The following PHF21A variants were observed in gnomAD, a reference collection of about 807,000 sequenced individuals.
The protein encoded by PHF21A is PHD finger protein 21A.
PHF21A carries 11 observed loss-of-function variants against 82.5 expected under a neutral mutation model. That is an observed-to-expected ratio of 0.13 (90% CI 0.08 to 0.22). PHF21A has a LOEUF of 0.22. Among genes scored for constraint, PHF21A ranks in the 10% least tolerant of loss-of-function variants. The probability of loss-of-function intolerance (pLI) is 1.00; values close to 1 mark genes in which losing one functional copy is unlikely to be tolerated. For synonymous variants in PHF21A, 297 were observed against 302.8 expected (o/e 0.98, Z 0.20); for missense variants, 579 against 837.8 (o/e 0.69, Z 3.81).
intron 6 of PHF21A, among the ~76,000 whole-genome samples, chr11:46,067,420 A>G (rs2096607226): frequency 6.6e-6 from 1 of 152,198 alleles, no homozygotes; most frequent in African/African-American, 2.4e-5. Flanking sequence ...AGATGTATCA[A>G]GTTTTCAAAC....
chr11:46,084,657 A>T (rs1002074285), intron 3 of PHF21A, among the ~76,000 whole-genome samples: 1 of 150,466 alleles, frequency 6.6e-6, no homozygotes, highest in African/African-American at 2.4e-5. Flanking sequence ...CCTCAGAAAG[A>T]GACATATAAC....
At chr11:46,060,887 T>C (rs1346874137) in intron 6 of PHF21A, among the ~76,000 whole-genome samples, 1 of 152,272 alleles carries the variant, frequency 6.6e-6, no homozygotes, top group Non-Finnish European at 1.5e-5. Context: ...TCTGTGCCCA[T>C]GCTTATGTCC....
At chr11:46,088,321 T>C (rs1366356353) in intron 3 of PHF21A, among the ~76,000 whole-genome samples, 1 of 152,070 alleles carries the variant, frequency 6.6e-6, no homozygotes, top group Non-Finnish European at 1.5e-5. Flanking sequence ...GCAAGGCCAC[T>C]TGCCTAGCCC....
At position 46,014,989 on chromosome 11, in the gene PHF21A, A is replaced by T. The variant is rs757254970; in HGVS notation, c.154-35023T>A. Among the ~76,000 whole-genome samples, 359 of 46,826 alleles carry T rather than the reference A, an allele frequency of 7.7e-3. 103 individuals are homozygous for T. The highest frequency in any genetic ancestry group is 0.021 in the East Asian group (5 of 242). The allele number at this position is 46,826 out of a possible 152,430, so 30.7% of individuals were successfully genotyped here. On this transcript the variant is annotated intron_variant, in intron 6 of 18. Coordinates refer to ENST00000676320, the MANE Select transcript of PHF21A (RefSeq NM_001352027.3). ...AGCGAGACTCCGTCTCAAAAAAAAA[A>T]AAAAATAAAAATAAAAAAATAAAAA... is the stretch of plus-strand genomic sequence containing the variant.
chr11:45,945,827 C>T lies in PHF21A; in HGVS notation c.1452+13G>A. ...CTCTCAGAAAGACAGTGTGCTTTTC[C>T]CAAGTTACTTACGTCTGTGGAGGTG... On this transcript the variant is annotated intron_variant, in intron 15 of 18. Coordinates refer to ENST00000676320, the MANE Select transcript of PHF21A (RefSeq NM_001352027.3). 6.4e-7 allele frequency: 1 copy of T among 1,557,164 alleles called. No homozygotes were observed. Among genetic ancestry groups the T allele is most frequent in the Non-Finnish European group, 8.7e-7 (1 of 1,154,706 alleles).
chr11:46,057,828 T>C (rs1484289669), intron 6 of PHF21A, among the ~76,000 whole-genome samples: 1 of 152,154 alleles, frequency 6.6e-6, no homozygotes, highest in Non-Finnish European at 1.5e-5. Flanking sequence ...AGGTGCCAAG[T>C]GTAAAAATAT....
intron 10 of PHF21A, among the ~76,000 whole-genome samples, chr11:45,960,965 T>C (rs2093037042): frequency 6.6e-6 from 1 of 152,250 alleles, no homozygotes; most frequent in South Asian, 2.1e-4. Context: ...TTCCTTGAGA[T>C]GAAGCATATT....
At chr11:45,940,206 T>A (rs2090073021) in intron 15 of PHF21A, among the ~76,000 whole-genome samples, 1 of 152,032 alleles carries the variant, frequency 6.6e-6, no homozygotes, top group Non-Finnish European at 1.5e-5. Flanking sequence ...TTCTTTTTTT[T>A]TTTTTTAGAC....
rs143699900 is a variant in PHF21A, at chr11:46,071,660, C to A, written c.153+5094G>T. On this transcript the variant is annotated intron_variant, in intron 6 of 18. Transcript: ENST00000676320. ...CCAGTCATCACACATCTAGGAATTT[C>A]TCCTAAGACCATCAGAGAGAAACAC... 8.0e-4 allele frequency among the ~76,000 whole-genome samples: 121 copies of A among 151,924 alleles called. 1 individual carries two copies. Among genetic ancestry groups the A allele is most frequent in the Middle Eastern group, 3.4e-3 (1 of 294 alleles).
chr11:45,936,657 T>C, intron 16 of PHF21A, 88 bp from the exon 17 acceptor site: 3 of 863,164 alleles, frequency 3.5e-6, no homozygotes, highest in Non-Finnish European at 5.9e-6. Flanking sequence ...CTGTGGCTAC[T>C]GGCAGATAAA....
chr11:46,088,392 G>A (rs1338901171), intron 3 of PHF21A, among the ~76,000 whole-genome samples: 2 of 146,326 alleles, frequency 1.4e-5, no homozygotes, highest in African/African-American at 5.2e-5. Flanking sequence ...ATATCTAATG[G>A]CCTCTAACTT....
At chr11:46,064,298 C>T (rs2096569673) in intron 6 of PHF21A, among the ~76,000 whole-genome samples, 3 of 152,080 alleles carry the variant, frequency 2.0e-5, no homozygotes, top group East Asian at 1.9e-4. Context: ...TTTTAAAAGG[C>T]GATGGAGGTG....
intron 6 of PHF21A, among the ~76,000 whole-genome samples, chr11:46,019,464 G>T (rs1048883854): frequency 6.6e-6 from 1 of 152,172 alleles, no homozygotes; most frequent in African/African-American, 2.4e-5. Context: ...GCCCTAAGAT[G>T]TGGCCAATCC....
At chr11:45,988,371 G>A (rs775248660) in intron 6 of PHF21A, among the ~76,000 whole-genome samples, 10 of 152,028 alleles carry the variant, frequency 6.6e-5, no homozygotes, top group Non-Finnish European at 1.3e-4. Flanking sequence ...AAAATATATC[G>A]TAGCAGGCAG....
At chr11:46,057,604 A>T (rs2096478467) in intron 6 of PHF21A, among the ~76,000 whole-genome samples, 1 of 152,184 alleles carries the variant, frequency 6.6e-6, no homozygotes, top group Non-Finnish European at 1.5e-5. Flanking sequence ...GTCATCTATA[A>T]TATGACTCAA....
chr11:46,023,934 C>T (rs1388016130), intron 6 of PHF21A, among the ~76,000 whole-genome samples: 2 of 152,114 alleles, frequency 1.3e-5, no homozygotes, highest in East Asian at 3.9e-4. Flanking sequence ...CCATCCTGGG[C>T]GACACGGCAA....
rs977317169 is a variant in PHF21A at position 45,971,100 on chromosome 11, G to C, written c.612+16C>G. ...CTTCTCATGTGATCACACATGAGGA[G>C]CAGCTGCTGGCTTACCAGAGTGACT... is the stretch of plus-strand genomic sequence containing the variant. On this transcript the variant is annotated intron_variant, in intron 8 of 18. Coordinates refer to ENST00000676320, the MANE Select transcript of PHF21A (RefSeq NM_001352027.3). 8.1e-6 allele frequency: 13 copies of C among 1,613,556 alleles called. No individual in the cohort carries two copies. Among genetic ancestry groups the C allele is most frequent in the Non-Finnish European group, 1.1e-5 (13 of 1,179,812 alleles).
intron 6 of PHF21A, among the ~76,000 whole-genome samples, chr11:46,007,061 A>G (rs1398907316): frequency 1.3e-5 from 2 of 152,222 alleles, no homozygotes; most frequent in African/African-American, 4.8e-5. Context: ...ATTTCCCATT[A>G]CAAAAACACT....
chr11:46,077,686 G>A (rs1037262398), intron 5 of PHF21A, among the ~76,000 whole-genome samples: 1 of 152,078 alleles, frequency 6.6e-6, no homozygotes. Flanking sequence ...TTGACATAAG[G>A]CTTCTCCAAT....
Sources: allele counts gnomAD v4.1 joint callset (sites outside exome capture counted in the v4.1 genomes callset), GRCh38; gene constraint gnomAD v4.1.1; transcripts MANE v1.5; gene names NCBI Gene and HGNC (gene_info 2026-07-23, HGNC 2026-07-21).